Variants in C2 observed in about 807,000 individuals in gnomAD.
C2 encodes complement C2.
In C2, 64 loss-of-function variants were observed where a neutral mutation model predicts 85.2. The ratio of observed to expected loss-of-function variants is 0.75; its 90% CI spans 0.61 to 0.92. The LOEUF (loss-of-function observed/expected upper bound fraction) is 0.92. Ranked by LOEUF, C2 falls within the 40% of genes least tolerant of loss-of-function variation. C2 has a pLI of 0.00. For synonymous variants in C2, 311 were observed against 370.8 expected, an observed-to-expected ratio of 0.84 and a Z score of 1.85; for missense variants, 820 against 971.6, an observed-to-expected ratio of 0.84 and a Z score of 2.07.
upstream of C2, among the ~76,000 whole-genome samples, chr6:31,924,169 T>TATTAC (rs1426497024): frequency 6.6e-6 from 1 of 152,222 alleles, no homozygotes; most frequent in East Asian, 1.9e-4. Context: ...AGGGTCTCTT[T>TATTAC]ATTACAGAAG....
intron 2 of C2, 57 bp from the exon 3 acceptor site, chr6:31,928,675 C>T: frequency 6.4e-7 from 1 of 1,558,092 alleles, no homozygotes; most frequent in Non-Finnish European, 8.8e-7. Context: ...GCTTAATCCC[C>T]AGCCCAGGTG....
chr6:31,929,444 A>G (rs1170740642), intron 3 of C2, among the ~76,000 whole-genome samples: 1 of 152,066 alleles, frequency 6.6e-6, no homozygotes, highest in East Asian at 1.9e-4. Flanking sequence ...ACAGCCCTGG[A>G]GTGCGGTGGC....
At chr6:31,929,494 G>T (rs1462738316) in intron 3 of C2, among the ~76,000 whole-genome samples, 1 of 152,084 alleles carries the variant, frequency 6.6e-6, no homozygotes, top group Non-Finnish European at 1.5e-5. Context: ...GCCAAGGGGG[G>T]TGGATCACAA....
intron 7 of C2, 121 bp downstream of exon 7, chr6:31,936,182 C>G (rs41267098): frequency 1.8e-6 from 2 of 1,088,190 alleles, no homozygotes; most frequent in Admixed American, 2.0e-5. Flanking sequence ...CTGAGTCCCA[C>G]GAGTCTGGGG....
chr6:31,941,363 T>A (rs899303813), intron 9 of C2: 2 of 152,220 alleles, frequency 1.3e-5, no homozygotes, highest in African/African-American at 4.8e-5. Context: ...TGCGGCAGCA[T>A]AAACCCATTC....
chr6:31,941,065 C>T (rs1691020133), intron 9 of C2: 1 of 152,248 alleles, frequency 6.6e-6, no homozygotes, highest in African/African-American at 2.4e-5. Flanking sequence ...AGTGGGAAAA[C>T]GTGGCTTTAG....
chr6:31,912,057 C>T (rs570221329), intron 1 of C2, among the ~76,000 whole-genome samples: 1 of 151,764 alleles, frequency 6.6e-6, no homozygotes, highest in Non-Finnish European at 1.5e-5. Context: ...AGGCGTTGAG[C>T]CACCGTGCCT....
rs1337245499 is a variant in C2 at position 31,943,017 on chromosome 6, A to G, written c.1278A>G (p.Leu426=). 6.2e-7 allele frequency: 1 copy of G among 1,613,068 alleles called. No homozygotes were observed. Among genetic ancestry groups the G allele is most frequent in the Non-Finnish European group, 8.5e-7 (1 of 1,180,022 alleles). ...TGGACTGGAGAGAACTGAATGAGCTAGGGTCCAAGAAGGATGGTGAGAGGC... is the reference window on the plus strand; with the variant it reads ...TGGACTGGAGAGAACTGAATGAGCTGGGGTCCAAGAAGGATGGTGAGAGGC... The part of the protein sequence containing the change: ...LDVDWRELNE[L]GSKKDGERHA... The change falls in exon 10 of 18, where the codon CTA becomes CTG. Residue 426 remains leucine (L), a synonymous_variant. Coordinates refer to ENST00000299367, the MANE Select transcript of C2 (RefSeq NM_000063.6). The surrounding 1 kb of genome is among the most constrained non-coding windows in gnomAD (Gnocchi z 6.4).
chr6:31,931,163 C>G (rs1167658214), intron 3 of C2, among the ~76,000 whole-genome samples: 1 of 151,852 alleles, frequency 6.6e-6, no homozygotes, highest in Non-Finnish European at 1.5e-5. Flanking sequence ...GTGTAGTATT[C>G]CATTATATGG....
At chr6:31,933,507 TG>T in intron 3 of C2, 102 bp from the exon 4 acceptor site, 1 of 1,232,472 alleles carries the variant, frequency 8.1e-7, no homozygotes, top group Non-Finnish European at 1.2e-6. Flanking sequence ...GGTGCATCCC[TG>T]GGTTGGAACT....
upstream of C2, among the ~76,000 whole-genome samples, chr6:31,926,382 G>A (rs1054133476): frequency 6.6e-6 from 1 of 151,562 alleles, no homozygotes; most frequent in Non-Finnish European, 1.5e-5. Context: ...ACCCAGGCTG[G>A]AATGCAGTGG....
upstream of C2, chr6:31,927,586 C>T (rs551354544): frequency 4.1e-5 from 64 of 1,558,252 alleles, no homozygotes; most frequent in South Asian, 7.7e-4. The surrounding 1 kb of genome is among the most constrained non-coding windows in gnomAD (Gnocchi z 4.7). Flanking sequence ...AGTCCCCAAT[C>T]CCTGCTTATT....
In C2 at chr6:31,928,649, C is replaced by CA. The variant is rs1327391582; in HGVS notation, c.257-82dup. The CA allele has an allele frequency of 2.8e-5, 39 of 1,368,844 alleles. No individual in the cohort carries two copies. In the Middle Eastern group the frequency reaches 1.6e-3, roughly 57 times the overall value. 84.8% of individuals were successfully genotyped at this position (1,368,844 alleles called of 1,614,324 possible). ...GCCAGTTGACCATTCCCATGCATTC[C>CA]AGCATAAAATCACCTGCTTAATCCC... On this transcript the variant is annotated intron_variant, in intron 2 of 17. Coordinates refer to ENST00000299367, the MANE Select transcript of C2 (RefSeq NM_000063.6).
upstream of C2, chr6:31,900,556 G>C (rs1187840766): frequency 1.2e-6 from 2 of 1,611,806 alleles, no homozygotes; most frequent in Non-Finnish European, 1.7e-6. The surrounding 1 kb of genome is among the most constrained non-coding windows in gnomAD (Gnocchi z 9.7). Flanking sequence ...TGGGGGGAAC[G>C]CTGCTCTGGG....
chr6:31,932,935 G>A lies in C2; in HGVS notation c.443-675G>A, dbSNP rs1483311532. On this transcript the variant is annotated intron_variant, in intron 3 of 17. Coordinates refer to ENST00000299367, the MANE Select transcript of C2 (RefSeq NM_000063.6). ...TGGAGACCAGCCCGGCCAACACAGC[G>A]AAACCCCGTCTCCACTAACAAAATA... Among the ~76,000 whole-genome samples, 10 of 152,384 alleles carry A rather than the reference G, an allele frequency of 6.6e-5. No homozygotes were observed. In the South Asian group the frequency reaches 1.0e-3, roughly 16 times the overall value.
At chr6:31,923,582 C>G (rs2151733917), upstream of C2, among the ~76,000 whole-genome samples, 1 of 151,722 alleles carries the variant, frequency 6.6e-6, no homozygotes, top group Non-Finnish European at 1.5e-5. Flanking sequence ...CTCCCGGGTT[C>G]ACGCCATTCG....
At position 31,944,094 on chromosome 6, in the gene C2, G is replaced by GTAA. The variant is rs1172843666; in HGVS notation, c.1811-40_1811-38dup. The stretch of plus-strand genomic sequence containing the variant: ...CCCAAGCCAGGAACCTGGATTCTGG[G>GTAA]TAAAAGGACCAGCACCAACATCCCC... On this transcript the variant is annotated intron_variant, in intron 14 of 17. Transcript: ENST00000299367. This position sits in a 1 kb window ranked among gnomAD's most constrained non-coding sequence, Gnocchi z 5.1. The GTAA allele has an allele frequency of 6.3e-7, 1 of 1,594,514 alleles. No individual in the cohort carries two copies. Among genetic ancestry groups the GTAA allele is most frequent in the Non-Finnish European group, 8.6e-7 (1 of 1,163,196 alleles).
In C2 at chr6:31,920,538, G is replaced by A. The variant is rs374249808; in HGVS notation, c.-100+512G>A. Among the ~76,000 whole-genome samples, 17 of 152,212 alleles carry A rather than the reference G, an allele frequency of 1.1e-4. No homozygotes were observed. In the East Asian group the frequency reaches 2.7e-3, roughly 24 times the overall value. ...CCTGGCCCATCCTCAGCTGACCCCT[G>A]AGCACCTGAGTTGTGTTTACCACCC... is the stretch of plus-strand genomic sequence containing the variant. On this transcript the variant is annotated intron_variant, in intron 1 of 3. Transcript: ENST00000413154. The surrounding 1 kb of genome is among the most constrained non-coding windows in gnomAD (Gnocchi z 5.6).
chr6:31,935,852 T>A lies in C2; in HGVS notation c.850-71T>A, dbSNP rs1045549998. 6.4e-7 allele frequency: 1 copy of A among 1,559,084 alleles called. No individual in the cohort carries two copies. Among genetic ancestry groups the A allele is most frequent in the Non-Finnish European group, 8.8e-7 (1 of 1,136,240 alleles). On this transcript the variant is annotated intron_variant, in intron 6 of 17. Transcript: ENST00000299367. This position sits in a 1 kb window ranked among gnomAD's most constrained non-coding sequence, Gnocchi z 4.3. ...GTTTCTCTGCCTCCTCCAGGGCCCT[T>A]TGTTTGCTCTCTTACCATCTCCCCT...
Sources: allele counts gnomAD v4.1 joint callset (sites outside exome capture counted in the v4.1 genomes callset), GRCh38; gene constraint gnomAD v4.1.1; non-coding constraint Gnocchi (gnomAD v3.1); transcripts MANE v1.5; gene names NCBI Gene and HGNC (gene_info 2026-07-23, HGNC 2026-07-21).